The following UNC80 variants were observed in gnomAD, a reference collection of about 807,000 sequenced individuals.
UNC80 encodes the protein protein unc-80 homolog.
Under a neutral mutation model 384.6 loss-of-function variants are expected in UNC80, and 164 were observed. That is an observed-to-expected ratio of 0.43 (90% CI 0.38 to 0.49). UNC80 has a LOEUF of 0.49. Among genes scored for constraint, UNC80 ranks in the 20% least tolerant of loss-of-function variants. The pLI, the probability that UNC80 is intolerant of heterozygous loss-of-function variation, is 0.00. For missense variants in UNC80, 3,330 were observed against 4,143.0 expected, an observed-to-expected ratio of 0.80 and a Z score of 5.39; for synonymous variants, 1,486 against 1,527.8, an observed-to-expected ratio of 0.97 and a Z score of 0.64.
chr2:209,908,842 A>G (rs1175869459), intron 29 of UNC80, among the ~76,000 whole-genome samples: 1 of 152,200 alleles, frequency 6.6e-6, no homozygotes, highest in Non-Finnish European at 1.5e-5. Context: ...AAGCCGTATG[A>G]GGCATAAAGA....
intron 3 of UNC80, 71 bp downstream of exon 3, chr2:209,776,116 G>C: frequency 6.4e-7 from 1 of 1,563,722 alleles, no homozygotes; most frequent in Non-Finnish European, 8.7e-7. Flanking sequence ...ATAATAACCT[G>C]TACTGAGTAG....
At chr2:209,860,522 G>T (rs1268703374) in intron 22 of UNC80, among the ~76,000 whole-genome samples, 1 of 152,128 alleles carries the variant, frequency 6.6e-6, no homozygotes, top group Admixed American at 6.5e-5. Flanking sequence ...GATTGTCTTG[G>T]CTATATGGGG....
Position 209,933,922 on chromosome 2 carries a change from A to C in UNC80, c.6095A>C (p.Glu2032Ala). Reference sequence around the variant, plus strand: ...CTGTGGGAGGTGGTGGGTTACGTGGAGGGCCTCTTCTTCAAGGATCTCAAG... The same window carrying C: ...CTGTGGGAGGTGGTGGGTTACGTGGCGGGCCTCTTCTTCAAGGATCTCAAG... The part of the protein sequence containing the change: ...TFLWEVVGYV[E>A]GLFFKDLKQT... Residue 2032 changes from glutamate (E) to alanine (A), a missense_variant, in exon 39 of 65, where the codon GAG becomes GCG. Glu to Ala is a moderately radical substitution (Grantham distance 107). Transcript: ENST00000673920. The C allele has an allele frequency of 6.4e-7, 1 of 1,551,180 alleles. No homozygotes were observed. The highest frequency in any genetic ancestry group is 8.7e-7 in the Non-Finnish European group (1 of 1,146,850).
chr2:209,786,223 AGCAGATTCCCTCAC>A, intron 5 of UNC80, 34 bp downstream of exon 5: 1 of 1,602,020 alleles, frequency 6.2e-7, no homozygotes, highest in Admixed American at 1.7e-5. Flanking sequence ...GGACAGTATT[AGCAGATTCCCTCAC>A]ACACAGTAGT....
At chr2:209,918,509 A>G (rs763790601) in intron 32 of UNC80, 23 bp from the exon 33 acceptor site, 9 of 1,548,920 alleles carry the variant, frequency 5.8e-6, no homozygotes, top group African/African-American at 1.4e-5. Context: ...CTCTCACCTA[A>G]TTTTTCTGAT....
rs867000687 is a variant in UNC80, at chr2:209,817,127, T to C, written c.1552+2T>C. 1.9e-6 allele frequency: 3 copies of C among 1,551,146 alleles called. No individual in the cohort carries two copies. Among genetic ancestry groups the C allele is most frequent in the Non-Finnish European group, 2.6e-6 (3 of 1,146,960 alleles). On this transcript the variant is annotated splice_donor_variant, in intron 10 of 64. Transcript: ENST00000673920. LOFTEE classifies it high-confidence loss of function. ...GAGGCTGGCAAACCACCATTTTAGG[T>C]GACCACAAGGCCTTCCAAAATAGGG...
intron 25 of UNC80, 55 bp from the exon 26 acceptor site, chr2:209,888,040 C>T: frequency 6.6e-7 from 1 of 1,523,484 alleles, no homozygotes; most frequent in Non-Finnish European, 8.9e-7. Context: ...TGCCGCGAGA[C>T]CAATGCAGTG....
At chr2:209,884,179 G>T (rs1489002363) in intron 25 of UNC80, among the ~76,000 whole-genome samples, 1 of 152,076 alleles carries the variant, frequency 6.6e-6, no homozygotes, top group Non-Finnish European at 1.5e-5. Context: ...AACAACAAAG[G>T]AATATTTTTT....
chr2:209,975,546 C>T (rs763851057), intron 56 of UNC80, among the ~76,000 whole-genome samples: 3 of 152,150 alleles, frequency 2.0e-5, no homozygotes, highest in Non-Finnish European at 2.9e-5. Context: ...CACGCATTTA[C>T]TGGTTACCTC....
chr2:209,918,615 T>C lies in UNC80; in HGVS notation c.5295T>C (p.Val1765=). 1 of 1,552,002 alleles carries C rather than the reference T, an allele frequency of 6.4e-7. No homozygotes were observed. Among genetic ancestry groups the C allele is most frequent in the South Asian group, 1.2e-5 (1 of 84,046 alleles). The change falls in exon 33 of 65, where the codon GTT becomes GTC. Residue 1765 remains valine, a synonymous_variant. Coordinates refer to ENST00000673920, the MANE Select transcript of UNC80 (RefSeq NM_001371986.1). The stretch of plus-strand genomic sequence containing the variant: ...TCCCAATGTTTGACCCACCGTGGGT[T>C]CCTCAGTGCAGCGGGAGTGTCCAGG... The part of the protein sequence containing the change: ...PSVPMFDPPW[V]PQCSGSVQDP...
chr2:209,947,804 A>G (rs1559377420), intron 47 of UNC80, among the ~76,000 whole-genome samples: 2 of 152,206 alleles, frequency 1.3e-5, no homozygotes, highest in African/African-American at 2.4e-5. Flanking sequence ...ATGAATGTTC[A>G]TAATGTTATC....
chr2:209,889,456 G>T (rs536175489), intron 26 of UNC80, among the ~76,000 whole-genome samples: 1 of 152,120 alleles, frequency 6.6e-6, no homozygotes, highest in Admixed American at 6.5e-5. Flanking sequence ...GGCCTAATTT[G>T]GTCATTCATG....
At chr2:209,916,243 C>T (rs1312356174) in intron 31 of UNC80, among the ~76,000 whole-genome samples, 1 of 152,008 alleles carries the variant, frequency 6.6e-6, no homozygotes, top group Non-Finnish European at 1.5e-5. Flanking sequence ...GACCACTAAG[C>T]CACTGGTCTT....
chr2:209,902,904 C>CGTGTGTGTGTGT (rs56102642), intron 28 of UNC80, among the ~76,000 whole-genome samples: 1 of 141,214 alleles, frequency 7.1e-6, no homozygotes, highest in African/African-American at 2.6e-5. Context: ...CCTGTATACA[C>CGTGTGTGTGTGT]GTGTGTGTGT....
intron 7 of UNC80, among the ~76,000 whole-genome samples, chr2:209,803,875 A>G (rs2078713154): frequency 6.6e-6 from 1 of 152,086 alleles, no homozygotes; most frequent in Non-Finnish European, 1.5e-5. Flanking sequence ...TAAGAATACA[A>G]TGTGCACCAT....
At chr2:209,994,379 A>G (rs2093447483) in intron 64 of UNC80, 115 bp downstream of exon 64, 3 of 884,060 alleles carry the variant, frequency 3.4e-6, no homozygotes, top group Non-Finnish European at 5.0e-6. Flanking sequence ...ATGCTTTGTT[A>G]TCCAAACAGA....
chr2:209,882,074 C>A (rs1239779021), intron 25 of UNC80, among the ~76,000 whole-genome samples: 2 of 150,186 alleles, frequency 1.3e-5, no homozygotes, highest in African/African-American at 4.9e-5. Flanking sequence ...TCACACCATT[C>A]TCCTGCCACA....
chr2:209,893,997 C>G (rs1183366863), intron 26 of UNC80, among the ~76,000 whole-genome samples, 166 bp from the exon 27 acceptor site: 1 of 152,178 alleles, frequency 6.6e-6, no homozygotes, highest in African/African-American at 2.4e-5. Context: ...ACCAGCCCTT[C>G]CTGGTGGTTC....
At chr2:209,818,772 T>A (rs1032603224) in intron 11 of UNC80, among the ~76,000 whole-genome samples, 2 of 152,254 alleles carry the variant, frequency 1.3e-5, no homozygotes, top group South Asian at 2.1e-4. Flanking sequence ...AAGCCAGTTA[T>A]AATTCACATT....
Sources: allele counts gnomAD v4.1 joint callset (sites outside exome capture counted in the v4.1 genomes callset), GRCh38; gene constraint gnomAD v4.1.1; transcripts MANE v1.5; gene names NCBI Gene and HGNC (gene_info 2026-07-23, HGNC 2026-07-21).